SEPTIN10: variants seen among roughly 807,000 people sequenced by gnomAD.
The protein encoded by SEPTIN10 is septin-10.
A neutral mutation model predicts 54.8 loss-of-function variants in SEPTIN10; 66 were observed. The observed-to-expected ratio is 1.21, with a 90% CI of 0.99 to 1.48. The LOEUF (loss-of-function observed/expected upper bound fraction) is 1.48, where lower values mean the gene tolerates loss of function less well. SEPTIN10 is among the 40% of genes most tolerant of loss of function. The pLI, the probability that SEPTIN10 is intolerant of heterozygous loss-of-function variation, is 0.00. For synonymous variants in SEPTIN10, 161 were observed against 181.0 expected (o/e 0.89, Z 0.89); for missense variants, 620 against 545.6 (o/e 1.14, Z -1.36).
chr2:109,611,297 C>A (rs1266972331), intron 1 of SEPTIN10, among the ~76,000 whole-genome samples: 1 of 152,084 alleles, frequency 6.6e-6, no homozygotes, highest in African/African-American at 2.4e-5. Flanking sequence ...AAACTTGACA[C>A]CAAAAGCACA....
At chr2:109,548,508 A>T (rs58012425) in intron 9 of SEPTIN10, among the ~76,000 whole-genome samples, 5 of 151,932 alleles carry the variant, frequency 3.3e-5, no homozygotes, top group Middle Eastern at 3.2e-3. Context: ...TAAGACACCA[A>T]GTTGTCTAGA....
intron 5 of SEPTIN10, among the ~76,000 whole-genome samples, chr2:109,570,718 T>G (rs1368903752): frequency 6.6e-6 from 1 of 151,900 alleles, no homozygotes; most frequent in Non-Finnish European, 1.5e-5. Context: ...GAGATGGGGT[T>G]TCACTGTGTT....
At position 109,545,523 on chromosome 2, in the gene SEPTIN10, C is replaced by T. The variant is rs532611623; in HGVS notation, c.1349+527G>A. The T allele has an allele frequency of 9.8e-6, 15 of 1,535,870 alleles. No individual in the cohort carries two copies. In the African/African-American group the frequency reaches 1.4e-4, roughly 14 times the overall value. On this transcript the variant is annotated intron_variant, in intron 10 of 10. Transcript: ENST00000397712. ...GCTCTGACATCAATGCACAGGAGTT[C>T]GAATCGACAGCCTGGTTCCCTTATT...
Position 109,544,203 on chromosome 2 carries a change from T to C in SEPTIN10, c.*106A>G, listed in dbSNP as rs1305645027. The C allele has an allele frequency of 1.9e-6, 3 of 1,607,052 alleles. No homozygotes were observed. In the East Asian group the frequency reaches 6.7e-5, roughly 36 times the overall value. On this transcript the variant is annotated 3_prime_UTR_variant, in exon 11 of 11. Coordinates refer to ENST00000397712, the MANE Select transcript of SEPTIN10 (RefSeq NM_144710.5). Reference sequence around the variant, plus strand: ...TCAGTAACTGTGGCTGTTCACCAAATATAGAAGTGATAAAACAAATAACAG... The same window carrying C: ...TCAGTAACTGTGGCTGTTCACCAAACATAGAAGTGATAAAACAAATAACAG...
chr2:109,545,301 G>A lies in SEPTIN10; in HGVS notation c.1349+749C>T, dbSNP rs1479958759. The stretch of plus-strand genomic sequence containing the variant: ...TACTTAAGTGGGAGAAATAAAACAA[G>A]GGACACAAAGTACAGAAGGAAATTA... On this transcript the variant is annotated intron_variant, in intron 10 of 10. Transcript: ENST00000397712. 3 of 1,440,382 alleles carry A rather than the reference G, an allele frequency of 2.1e-6. No individual in the cohort carries two copies. In the African/African-American group the frequency reaches 4.3e-5, roughly 21 times the overall value. The allele number at this position is 1,440,382 out of a possible 1,614,324, so 89.2% of individuals were successfully genotyped here. A position where few individuals can be genotyped will look rare whatever the true frequency, so the allele number is the denominator to read the frequency against.
At chr2:109,575,742 T>C (rs751172630) in intron 4 of SEPTIN10, among the ~76,000 whole-genome samples, 1 of 152,202 alleles carries the variant, frequency 6.6e-6, no homozygotes, top group African/African-American at 2.4e-5. Context: ...CTGGAAACCT[T>C]TGTAATTATC....
At chr2:109,569,695 G>T (rs1054651007) in intron 5 of SEPTIN10, among the ~76,000 whole-genome samples, 4 of 152,098 alleles carry the variant, frequency 2.6e-5, no homozygotes, top group East Asian at 1.9e-4. Context: ...TATATACTTA[G>T]GTATTCAACA....
rs555600429 is a variant in SEPTIN10 at position 109,612,122 on chromosome 2, A to G, written c.30+1676T>C. Among the ~76,000 whole-genome samples the G allele has an allele frequency of 7.9e-5, 12 of 152,322 alleles. No individual in the cohort carries two copies. The South Asian group carries it at 2.3e-3, about 29-fold the overall frequency. ...CTGTGGCACAATCATACCATGGAAT[A>G]CTACCCCAGCAAACTGCAGATATAT... On this transcript the variant is annotated intron_variant, in intron 1 of 10. Transcript: ENST00000397712.
At chr2:109,544,995 T>G (rs909461113) in intron 10 of SEPTIN10, 1 of 985,340 alleles carries the variant, frequency 1.0e-6, no homozygotes, top group Admixed American at 6.1e-5. Flanking sequence ...CAAAGTCCTG[T>G]GGTTTACTTC....
rs769153510 is a variant in SEPTIN10, at chr2:109,567,864, T to C, written c.713A>G (p.Gln238Arg). 3 of 1,613,180 alleles carry C rather than the reference T, an allele frequency of 1.9e-6. No homozygotes were observed. In the African/African-American group the frequency reaches 4.0e-5, roughly 22 times the overall value. Residue 238 changes from glutamine (Q) to arginine (R), a missense_variant, in exon 6 of 11, where the codon CAG (glutamine) becomes CGG (arginine). Transcript: ENST00000397712. ...ELVSNGVQIY[Q>R]FPTDDDTIAK... The stretch of plus-strand genomic sequence containing the variant: ...AATAGTGTCATCATCCGTTGGGAAC[T>C]GGTATATCTGGACGCCATTGCTGAC...
intron 4 of SEPTIN10, among the ~76,000 whole-genome samples, chr2:109,581,447 A>C (rs551237532): frequency 1.3e-4 from 20 of 152,134 alleles, no homozygotes; most frequent in African/African-American, 1.7e-4. Context: ...AAAAAAAAAA[A>C]CAAAAAAAAT....
At chr2:109,550,320 T>G (rs140160012) in intron 9 of SEPTIN10, among the ~76,000 whole-genome samples, 4,212 of 148,640 alleles carry the variant, frequency 0.028, 65 homozygotes, top group South Asian at 0.076. Context: ...TCTTTTTTTT[T>G]TTTGTTTTTT....
rs1370368852 is a variant in SEPTIN10 at position 109,574,620 on chromosome 2, C to T, written c.561G>A (p.Lys187=). The T allele has an allele frequency of 1.2e-6, 2 of 1,604,414 alleles. No homozygotes were observed. The highest frequency in any genetic ancestry group is 2.2e-5 in the South Asian group (2 of 88,894). Residue 187 remains lysine (K), a synonymous_variant, in exon 5 of 11, where the codon AAG becomes AAA. Coordinates refer to ENST00000397712, the MANE Select transcript of SEPTIN10 (RefSeq NM_144710.5). ...YFISPTGHSL[K]TLDLLTMKNL... ...TCTTCATGGTTAAGAGATCAAGTGT[C>T]TTCAGAGAGTGGCCTGTCGGTGAAA... is the stretch of plus-strand genomic sequence containing the variant.
chr2:109,549,653 T>C (rs752847237), intron 9 of SEPTIN10, among the ~76,000 whole-genome samples: 89 of 152,232 alleles, frequency 5.8e-4, no homozygotes, highest in African/African-American at 1.9e-3. Context: ...TATGGTACGA[T>C]AGTCCCCCCT....
intron 1 of SEPTIN10, among the ~76,000 whole-genome samples, chr2:109,612,340 A>C (rs1699429571): frequency 6.6e-6 from 1 of 152,230 alleles, no homozygotes; most frequent in Non-Finnish European, 1.5e-5. Context: ...GGTTATAAAA[A>C]GGCATTAAGG....
At chr2:109,547,367 T>TTG (rs1238173677) in intron 9 of SEPTIN10, among the ~76,000 whole-genome samples, 1 of 133,160 alleles carries the variant, frequency 7.5e-6, no homozygotes, top group Non-Finnish European at 1.6e-5. Flanking sequence ...GCTAATAAAC[T>TTG]TGTTTTTTTT....
chr2:109,558,888 A>G (rs771476145), intron 8 of SEPTIN10, among the ~76,000 whole-genome samples: 8 of 148,054 alleles, frequency 5.4e-5, no homozygotes, highest in Admixed American at 1.3e-4. Context: ...AACAGATATA[A>G]ATTCTTTTTT....
chr2:109,606,635 C>T (rs534223449), intron 1 of SEPTIN10, among the ~76,000 whole-genome samples: 9 of 34,368 alleles, frequency 2.6e-4, no homozygotes, highest in African/African-American at 7.1e-4. Flanking sequence ...AAAAAGTTCC[C>T]TTTTATTAAA....
intron 8 of SEPTIN10, 26 bp from the exon 9 acceptor site, chr2:109,553,245 C>T (rs781539080): frequency 1.1e-5 from 18 of 1,611,272 alleles, no homozygotes; most frequent in South Asian, 8.8e-5. Flanking sequence ...TGTTACTCTC[C>T]TGCTAAAAAG....
Sources: allele counts gnomAD v4.1 joint callset (sites outside exome capture counted in the v4.1 genomes callset), GRCh38; gene constraint gnomAD v4.1.1; transcripts MANE v1.5; gene names NCBI Gene and HGNC (gene_info 2026-07-23, HGNC 2026-07-21).